PHEX: variants seen among roughly 807,000 people sequenced by gnomAD.
PHEX encodes the protein phosphate-regulating neutral endopeptidase PHEX.
In PHEX, 16 loss-of-function variants were observed where a neutral mutation model predicts 68.0. The observed-to-expected ratio is 0.24, with a 90% CI of 0.16 to 0.36. The LOEUF is 0.36. Among genes scored for constraint, PHEX ranks in the 10% least tolerant of loss-of-function variants. The pLI is 1.00. For missense variants in PHEX, 480 were observed against 575.5 expected, an observed-to-expected ratio of 0.83 and a Z score of 1.70; for synonymous variants, 208 against 205.1, an observed-to-expected ratio of 1.01 and a Z score of -0.12.
At chrX:22,194,229 T>G (rs2147142706) in intron 15 of PHEX, among the ~76,000 whole-genome samples, 1 of 112,112 alleles carries the variant, frequency 8.9e-6, no homozygotes, top group African/African-American at 3.2e-5. Flanking sequence ...AATTAAGAGA[T>G]TCAAGCTGTT....
chrX:22,167,793 C>A lies in PHEX; in HGVS notation c.1405-519C>A, dbSNP rs150682068. Among the ~76,000 whole-genome samples the A allele has an allele frequency of 4.4e-3, 492 of 111,334 alleles. 5 individuals carry two copies. The highest frequency in any genetic ancestry group is 0.015 in the African/African-American group (464 of 30,688). On this transcript the variant is annotated intron_variant, in intron 12 of 21. Transcript: ENST00000379374. ...TACAGGCATGAACAACTGTGCCCGA[C>A]CTCCTTTCCCCATTTTTTAACCAGG...
intron 11 of PHEX, among the ~76,000 whole-genome samples, chrX:22,127,286 A>G (rs902193102): frequency 1.6e-4 from 18 of 111,969 alleles, no homozygotes; most frequent in Admixed American, 1.4e-3. Context: ...TTATATTTTG[A>G]CCTTTGACTG....
chrX:22,172,981 G>C (rs1033294588), intron 13 of PHEX: 2 of 109,835 alleles, frequency 1.8e-5, no homozygotes, highest in African/African-American at 6.7e-5. Flanking sequence ...CTCTGTGGTG[G>C]GTCTGGTCTA....
intron 2 of PHEX, among the ~76,000 whole-genome samples, chrX:22,044,809 G>A (rs1382637007): frequency 6.3e-5 from 7 of 111,282 alleles, no homozygotes; most frequent in Admixed American, 4.8e-4. Flanking sequence ...TCTGAAGCAC[G>A]AAAATGTTAA....
chrX:22,058,771 G>A (rs1014764394), intron 3 of PHEX, among the ~76,000 whole-genome samples: 3 of 112,179 alleles, frequency 2.7e-5, no homozygotes, highest in Non-Finnish European at 5.6e-5. Context: ...CCGCTCTAGA[G>A]CTTCTCTGGA....
intron 3 of PHEX, among the ~76,000 whole-genome samples, chrX:22,050,969 A>G (rs1927803683): frequency 8.9e-6 from 1 of 112,102 alleles, no homozygotes; most frequent in Non-Finnish European, 1.9e-5. Flanking sequence ...TATGATTCAT[A>G]TTGGTTTGTG....
At chrX:22,103,637 T>G (rs1032423507) in intron 9 of PHEX, among the ~76,000 whole-genome samples, 2 of 112,465 alleles carry the variant, frequency 1.8e-5, no homozygotes, top group Non-Finnish European at 1.9e-5. Context: ...CATTATTTCC[T>G]TCCTGTTTAT....
At chrX:22,091,075 G>T (rs1170763149) in intron 6 of PHEX, among the ~76,000 whole-genome samples, 1 of 111,956 alleles carries the variant, frequency 8.9e-6, no homozygotes, top group African/African-American at 3.3e-5. Flanking sequence ...CTGGATATTG[G>T]AAAGAGCTGG....
At chrX:22,164,769 C>CA (rs756670350) in intron 12 of PHEX, among the ~76,000 whole-genome samples, 12 of 112,137 alleles carry the variant, frequency 1.1e-4, no homozygotes, top group Non-Finnish European at 2.1e-4. Context: ...AAATATAGTG[C>CA]AAAATTAAAT....
chrX:22,092,442 G>A (rs1929931210), intron 6 of PHEX, among the ~76,000 whole-genome samples: 1 of 111,154 alleles, frequency 9.0e-6, no homozygotes, highest in African/African-American at 3.3e-5. Context: ...GCACAATCTC[G>A]ACTCATTGCA....
At chrX:22,246,093 C>G (rs762591746) in intron 21 of PHEX, among the ~76,000 whole-genome samples, 2 of 111,453 alleles carry the variant, frequency 1.8e-5, no homozygotes, top group African/African-American at 6.5e-5. Context: ...TATTTTGAAA[C>G]GGTAGCTTAT....
At chrX:22,067,032 C>T (rs763835703) in intron 3 of PHEX, among the ~76,000 whole-genome samples, 68 of 109,916 alleles carry the variant, frequency 6.2e-4, no homozygotes, top group Non-Finnish European at 9.1e-4. Context: ...TTGCTTGAGC[C>T]CAGGAGTTCA....
intron 20 of PHEX, among the ~76,000 whole-genome samples, chrX:22,228,304 T>C (rs759150382): frequency 4.5e-5 from 5 of 111,559 alleles, no homozygotes; most frequent in Non-Finnish European, 9.4e-5. Flanking sequence ...TCAATAAAGG[T>C]TCTAGTGAAT....
At position 22,096,903 on chromosome X, in the gene PHEX, C is replaced by T. The variant is rs367802921; in HGVS notation, c.850-52C>T. ...TTGGCACATGTAGGAAGTAATCATACAGTAAGAAATGGTTCACTTGAAAAA... is the reference window on the plus strand; with the variant it reads ...TTGGCACATGTAGGAAGTAATCATATAGTAAGAAATGGTTCACTTGAAAAA... On this transcript the variant is annotated intron_variant, in intron 7 of 21. Coordinates refer to ENST00000379374, the MANE Select transcript of PHEX (RefSeq NM_000444.6). The T allele has an allele frequency of 7.6e-6, 7 of 917,451 alleles. 1 individual carries two copies. In the South Asian group the frequency reaches 1.2e-4, roughly 15 times the overall value. The allele number at this position is 917,451 out of a possible 1,213,427, so 75.6% of individuals were successfully genotyped here.
chrX:22,033,770 T>C (rs1926900938), intron 1 of PHEX, among the ~76,000 whole-genome samples: 1 of 112,064 alleles, frequency 8.9e-6, no homozygotes, highest in African/African-American at 3.2e-5. Flanking sequence ...AGAGAGTATA[T>C]AGGATGATAG....
intron 2 of PHEX, among the ~76,000 whole-genome samples, chrX:22,045,409 A>T (rs1470006907): frequency 8.9e-6 from 1 of 112,267 alleles, no homozygotes; most frequent in Non-Finnish European, 1.9e-5. Flanking sequence ...TTTTTTAAAA[A>T]AATCAATTGG....
At chrX:22,099,488 C>A in intron 9 of PHEX, 2 of 193,444 alleles carry the variant, frequency 1.0e-5, no homozygotes, top group Non-Finnish European at 1.9e-5. Context: ...TTCCCCAGTT[C>A]ATTCTCAATC....
intron 21 of PHEX, among the ~76,000 whole-genome samples, chrX:22,245,677 A>G (rs958505106): frequency 8.9e-6 from 1 of 112,087 alleles, no homozygotes; most frequent in African/African-American, 3.2e-5. Context: ...TGCTACATCA[A>G]GTGCCAGTGA....
chrX:22,241,198 G>C (rs780229128), intron 20 of PHEX, among the ~76,000 whole-genome samples: 1 of 111,911 alleles, frequency 8.9e-6, no homozygotes, highest in African/African-American at 3.2e-5. Context: ...ACAAAATGAA[G>C]GCAGAAATAA....
Sources: gnomAD v4.1 joint callset for allele counts (sites outside exome capture counted in the v4.1 genomes callset) on GRCh38, gnomAD v4.1.1 for gene constraint, MANE v1.5 for transcripts, NCBI Gene and HGNC (gene_info 2026-07-23, HGNC 2026-07-21) for gene names.